Variants in PEG3 observed in about 807,000 individuals in gnomAD.
The protein encoded by PEG3 is paternally-expressed gene 3 protein.
A neutral mutation model predicts 35.5 loss-of-function variants in PEG3; 23 were observed. The ratio of observed to expected loss-of-function variants is 0.65; its 90% CI spans 0.47 to 0.92. The LOEUF (loss-of-function observed/expected upper bound fraction) is 0.92. Among genes scored for constraint, PEG3 ranks in the 40% least tolerant of loss-of-function variants. The pLI, the probability that PEG3 is intolerant of heterozygous loss-of-function variation, is 0.00. For synonymous variants in PEG3, 707 were observed against 697.0 expected (o/e 1.01, Z -0.23); for missense variants, 1,960 against 1,985.3 (o/e 0.99, Z 0.24).
At chr19:56,832,305 C>T (rs947674273) in intron 2 of PEG3, among the ~76,000 whole-genome samples, 1 of 152,162 alleles carries the variant, frequency 6.6e-6, no homozygotes, top group Non-Finnish European at 1.5e-5. Context: ...CAATCTCCCT[C>T]TGACCCTTAA....
chr19:56,821,241 AGCCAG>A (rs2060457161), intron 7 of PEG3, among the ~76,000 whole-genome samples: 1 of 152,234 alleles, frequency 6.6e-6, no homozygotes, highest in African/African-American at 2.4e-5. Context: ...CAAGTGGCAG[AGCCAG>A]GCTTTAAACC....
chr19:56,811,581 C>T lies in PEG3; in HGVS notation c.*2094G>A. On this transcript the variant is annotated 3_prime_UTR_variant, in exon 10 of 10. Transcript: ENST00000326441. ...GGACACCCTGACTTACAGCAAGTTG[C>T]TTTCTGAAAAGGGGCTACCACTGCC... is the stretch of plus-strand genomic sequence containing the variant. 1 of 985,358 alleles carries T rather than the reference C, an allele frequency of 1.0e-6. No individual in the cohort carries two copies. The highest frequency in any genetic ancestry group is 1.2e-6 in the Non-Finnish European group (1 of 829,896). 61.0% of individuals were successfully genotyped at this position (985,358 alleles called of 1,614,324 possible). A position where few individuals can be genotyped will look rare whatever the true frequency, so the allele number is the denominator to read the frequency against.
In PEG3 at chr19:56,812,612, A is replaced by G; in HGVS notation, c.*1063T>C. 1.0e-6 allele frequency: 1 copy of G among 985,690 alleles called. No homozygotes were observed. The highest frequency in any genetic ancestry group is 1.2e-6 in the Non-Finnish European group (1 of 829,814). 61.1% of individuals were successfully genotyped at this position (985,690 alleles called of 1,614,324 possible). A position where few individuals can be genotyped will look rare whatever the true frequency, so the allele number is the denominator to read the frequency against. On this transcript the variant is annotated 3_prime_UTR_variant, in exon 10 of 10. Transcript: ENST00000326441. ...TTGCTACTTGTCACTTAAGGCAGGA[A>G]GCGCACAAAGGAAGTGATGAAAGGT...
At position 56,812,131 on chromosome 19, in the gene PEG3, T is replaced by A. The variant is rs1447950214; in HGVS notation, c.*1544A>T. On this transcript the variant is annotated 3_prime_UTR_variant, in exon 10 of 10. Transcript: ENST00000326441. Reference sequence around the variant, plus strand: ...TGCAAATCTTTTTTTTTAAATTTTTTAAATTTTATATTTTTTTTCCAGCCA... The same window carrying A: ...TGCAAATCTTTTTTTTTAAATTTTTAAAATTTTATATTTTTTTTCCAGCCA... 3 of 967,226 alleles carry A rather than the reference T, an allele frequency of 3.1e-6. No individual in the cohort carries two copies. Among genetic ancestry groups the A allele is most frequent in the Non-Finnish European group, 3.7e-6 (3 of 813,550 alleles). The allele number at this position is 967,226 out of a possible 1,614,324, so 59.9% of individuals were successfully genotyped here.
chr19:56,838,734 C>G (rs1196317015), intron 1 of PEG3, among the ~76,000 whole-genome samples: 1 of 152,228 alleles, frequency 6.6e-6, no homozygotes, highest in East Asian at 1.9e-4. Flanking sequence ...GATGCGGGGA[C>G]TGAGCCAGTC....
intron 6 of PEG3, 47 bp downstream of exon 6, chr19:56,822,706 C>CACAT (rs1387751239): frequency 6.2e-7 from 1 of 1,606,792 alleles, no homozygotes; most frequent in African/African-American, 1.3e-5. Flanking sequence ...CTGTGCACAG[C>CACAT]ACATGCTCTA....
rs2060202404 is a variant in PEG3, at chr19:56,818,673, G to A, written c.699C>T (p.Asp233=). ...QDAESYQNVV[D]LAEDRKPHNT... is the part of the protein sequence containing the mutation. ...TGTGAGGTTTCCTGTCCTCAGCGAG[G>A]TCCACCACATTTTGGTATGATTCAG... Residue 233 remains aspartate, a synonymous_variant, in exon 8 of 10, where the codon GAC becomes GAT. Transcript: ENST00000326441. 1 of 1,613,992 alleles carries A rather than the reference G, an allele frequency of 6.2e-7. No homozygotes were observed. The highest frequency in any genetic ancestry group is 1.7e-5 in the Admixed American group (1 of 60,000).
chr19:56,812,886 A>T lies in PEG3; in HGVS notation c.*789T>A. 1.0e-6 allele frequency: 1 copy of T among 985,798 alleles called. No individual in the cohort carries two copies. Among genetic ancestry groups the T allele is most frequent in the Non-Finnish European group, 1.2e-6 (1 of 829,918 alleles). 61.1% of individuals were successfully genotyped at this position (985,798 alleles called of 1,614,324 possible). ...CATGAGAACCACTTCAACAAACATAACATGTGGCAACCAATCAATCTGGGT... is the reference window on the plus strand; with the variant it reads ...CATGAGAACCACTTCAACAAACATATCATGTGGCAACCAATCAATCTGGGT... On this transcript the variant is annotated 3_prime_UTR_variant, in exon 10 of 10. Coordinates refer to ENST00000326441, the MANE Select transcript of PEG3 (RefSeq NM_006210.3).
intron 2 of PEG3, among the ~76,000 whole-genome samples, chr19:56,827,378 A>G (rs1435181008): frequency 1.3e-5 from 2 of 152,206 alleles, no homozygotes; most frequent in Non-Finnish European, 2.9e-5. Context: ...AATAGAAGCC[A>G]TTGAAAAATG....
chr19:56,840,145 C>T (rs2062830336), intron 1 of PEG3, among the ~76,000 whole-genome samples: 1 of 152,222 alleles, frequency 6.6e-6, no homozygotes, highest in African/African-American at 2.4e-5. Context: ...CTCCCGAGAG[C>T]CGCATTCCGC....
intron 1 of PEG3, among the ~76,000 whole-genome samples, chr19:56,836,576 A>G (rs1289070245): frequency 3.3e-5 from 5 of 152,222 alleles, no homozygotes; most frequent in African/African-American, 1.2e-4. Flanking sequence ...TGTTCAATCA[A>G]TTAGAGGTCC....
intron 2 of PEG3, among the ~76,000 whole-genome samples, chr19:56,834,593 C>T (rs546027660): frequency 4.6e-5 from 7 of 152,310 alleles, no homozygotes; most frequent in African/African-American, 9.6e-5. Flanking sequence ...CATGTCAGTA[C>T]GGTTTTAAGT....
chr19:56,824,815 A>G, intron 3 of PEG3, 74 bp from the exon 4 acceptor site: 1 of 647,982 alleles, frequency 1.5e-6, no homozygotes, highest in South Asian at 2.1e-5. Context: ...ACCTTACCAG[A>G]GGCATCGACA....
At position 56,815,049 on chromosome 19, in the gene PEG3, C is replaced by T. The variant is rs1244236014; in HGVS notation, c.3393G>A (p.Arg1131=). 1 of 1,614,160 alleles carries T rather than the reference C, an allele frequency of 6.2e-7. No homozygotes were observed. Among genetic ancestry groups the T allele is most frequent in the African/African-American group, 1.3e-5 (1 of 75,064 alleles). ...DLTDHQKVHS[R]KCLVDSREYT... is the part of the protein sequence containing the mutation. ...ACTCCCGACTGTCAACCAGGCACTT[C>T]CTGCTGTGGACTTTCTGATGGTCTG... Residue 1131 remains arginine (R), a synonymous_variant, in exon 10 of 10, where the codon AGG becomes AGA. Coordinates refer to ENST00000326441, the MANE Select transcript of PEG3 (RefSeq NM_006210.3).
At position 56,815,471 on chromosome 19, in the gene PEG3, G is replaced by C. The variant is rs145003090; in HGVS notation, c.2971C>G (p.His991Asp). 297 of 1,614,086 alleles carry C rather than the reference G, an allele frequency of 1.8e-4. 1 individual carries two copies. The East Asian group carries it at 5.9e-3, about 32-fold the overall frequency. ...CTTCCAGAGGGCTTCTCCCTATCAT[G>C]AATCTTCTGGTGCTCAGTGAGGTCA... is the stretch of plus-strand genomic sequence containing the variant. ...SSDLTEHQKI[H>D]DREKPSGSRN... The change falls in exon 10 of 10, where the codon CAT becomes GAT. Residue 991 changes from histidine to aspartate, a missense_variant. By Grantham distance (81) the His-to-Asp change is moderately conservative (BLOSUM62 -1). This residue lies in a region of PEG3 where 798 missense variants were observed against 782.4 expected (regional missense o/e 1.02). Transcript: ENST00000326441.
In PEG3 at chr19:56,813,939, T is replaced by C; in HGVS notation, c.4503A>G (p.Glu1501=). The change falls in exon 10 of 10, where the codon GAA becomes GAG. Residue 1501 remains glutamate (E), a synonymous_variant. Coordinates refer to ENST00000326441, the MANE Select transcript of PEG3 (RefSeq NM_006210.3). ...EEGEDQEIQV[E]EPYYDCHECT... ...ATTCATGGCAGTCATAGTATGGTTC[T>C]TCTACCTGAATCTCTTGATCTTCAC... The C allele has an allele frequency of 6.2e-7, 1 of 1,614,192 alleles. No homozygotes were observed. Among genetic ancestry groups the C allele is most frequent in the Non-Finnish European group, 8.5e-7 (1 of 1,180,032 alleles).
At position 56,811,373 on chromosome 19, in the gene PEG3, G is replaced by A; in HGVS notation, c.*2302C>T. The A allele has an allele frequency of 9.1e-6, 8 of 876,326 alleles. No homozygotes were observed. Among genetic ancestry groups the A allele is most frequent in the Non-Finnish European group, 1.1e-5 (8 of 730,736 alleles). 54.3% of individuals were successfully genotyped at this position (876,326 alleles called of 1,614,324 possible). ...AATGAACTGTTGAGTTATAACTGTA[G>A]TATAAATATACTTTCGTGTCCTGCT... On this transcript the variant is annotated 3_prime_UTR_variant, in exon 10 of 10. Transcript: ENST00000326441.
rs1257981484 is a variant in PEG3, at chr19:56,819,654, C to A, written c.670-952G>T. Among the ~76,000 whole-genome samples the A allele has an allele frequency of 2.6e-5, 4 of 152,152 alleles. No homozygotes were observed. In the East Asian group the frequency reaches 7.7e-4, roughly 29 times the overall value. On this transcript the variant is annotated intron_variant, in intron 7 of 9. Coordinates refer to ENST00000326441, the MANE Select transcript of PEG3 (RefSeq NM_006210.3). ...CCTTGGGAACGGAAATCTTTTTGAA[C>A]CTTTCTTTCAGGTTCTTCACCTGTA...
rs1055694991 is a variant in PEG3, at chr19:56,817,345, T to C, written c.1097A>G (p.Tyr366Cys). The part of the protein sequence containing the change: ...KRESVIQQRV[Y>C]EGNAFRGGFR... ...GCCTCCCCTAAATGCATTCCCTTCATAAACCCGCTGCTGGATCACTGACTC... is the reference window on the plus strand; with the variant it reads ...GCCTCCCCTAAATGCATTCCCTTCACAAACCCGCTGCTGGATCACTGACTC... The change falls in exon 10 of 10, where the codon TAT (tyrosine) becomes TGT (cysteine). Residue 366 changes from tyrosine (Y) to cysteine (C), a missense_variant. Coordinates refer to ENST00000326441, the MANE Select transcript of PEG3 (RefSeq NM_006210.3). The C allele has an allele frequency of 1.2e-6, 2 of 1,614,098 alleles. No homozygotes were observed. The highest frequency in any genetic ancestry group is 1.7e-6 in the Non-Finnish European group (2 of 1,179,970).
Sources: allele counts gnomAD v4.1 joint callset (sites outside exome capture counted in the v4.1 genomes callset), GRCh38; gene constraint gnomAD v4.1.1; regional missense constraint gnomAD v4.1.1; transcripts MANE v1.5; gene names NCBI Gene and HGNC (gene_info 2026-07-23, HGNC 2026-07-21).